The following ATXN2 variants were observed in gnomAD, a reference collection of about 807,000 sequenced individuals.
The protein encoded by ATXN2 is ataxin 2.
In ATXN2, 37 loss-of-function variants were observed where a neutral mutation model predicts 138.6. The ratio of observed to expected loss-of-function variants is 0.27; its 90% CI spans 0.21 to 0.35. ATXN2 has a LOEUF of 0.35. Ranked by LOEUF, ATXN2 falls within the 10% of genes least tolerant of loss-of-function variation. ATXN2 has a pLI of 1.00. For synonymous variants in ATXN2, 549 were observed against 543.7 expected, an observed-to-expected ratio of 1.01 and a Z score of -0.13; for missense variants, 1,216 against 1,480.3, an observed-to-expected ratio of 0.82 and a Z score of 2.93.
At chr12:111,476,092 C>T (rs534425570) in intron 18 of ATXN2, among the ~76,000 whole-genome samples, 1 of 152,186 alleles carries the variant, frequency 6.6e-6, no homozygotes, top group Non-Finnish European at 1.5e-5. Flanking sequence ...GTTAGGACTA[C>T]AGGTGTGTGC....
chr12:111,598,478 G>C lies in ATXN2; in HGVS notation c.251+306C>G. 1.0e-6 allele frequency: 1 copy of C among 985,230 alleles called. No individual in the cohort carries two copies. The highest frequency in any genetic ancestry group is 1.2e-6 in the Non-Finnish European group (1 of 829,912). The allele number at this position is 985,230 out of a possible 1,614,324, so 61.0% of individuals were successfully genotyped here. ...GAAGGGGGAGCCGGGGCTGACCATC[G>C]CCGCTACCCGAGAACCCCTCCCAAC... On this transcript the variant is annotated intron_variant, in intron 1 of 24. Coordinates refer to ENST00000673436, the MANE Select transcript of ATXN2 (RefSeq NM_001372574.1). This position sits in a 1 kb window ranked among gnomAD's most constrained non-coding sequence, Gnocchi z 4.5.
chr12:111,566,167 T>G (rs763727389), intron 1 of ATXN2, among the ~76,000 whole-genome samples: 48 of 152,068 alleles, frequency 3.2e-4, no homozygotes, highest in Non-Finnish European at 5.0e-4. Flanking sequence ...GCGCGGTGGC[T>G]CACGCCTGTA....
upstream of ATXN2, chr12:111,599,333 C>A (rs1386598096): frequency 3.7e-5 from 21 of 575,012 alleles, no homozygotes; most frequent in African/African-American, 4.4e-4. Context: ...GGGAGGGGGG[C>A]CGGGGCCGGG....
intron 15 of ATXN2, among the ~76,000 whole-genome samples, chr12:111,488,084 A>G (rs1877759932): frequency 6.6e-6 from 1 of 152,184 alleles, no homozygotes; most frequent in Non-Finnish European, 1.5e-5. Flanking sequence ...TCCAAGTAGA[A>G]GCACCGCATG....
intron 18 of ATXN2, among the ~76,000 whole-genome samples, chr12:111,484,747 T>G (rs904195397): frequency 2.0e-5 from 3 of 152,124 alleles, no homozygotes; most frequent in African/African-American, 7.2e-5. Context: ...GTATTTATGT[T>G]TGAGACGGGG....
chr12:111,505,114 C>T (rs1441466633), intron 14 of ATXN2, among the ~76,000 whole-genome samples: 1 of 152,092 alleles, frequency 6.6e-6, no homozygotes, highest in Admixed American at 6.6e-5. Flanking sequence ...ACCTGTAGTA[C>T]CAGCTACTCA....
In ATXN2 at chr12:111,452,548, T is replaced by A; in HGVS notation, c.*264A>T. The A allele has an allele frequency of 2.5e-6, 1 of 407,262 alleles. No individual in the cohort carries two copies. Among genetic ancestry groups the A allele is most frequent in the Non-Finnish European group, 4.4e-6 (1 of 227,834 alleles). The allele number at this position is 407,262 out of a possible 1,614,324, so 25.2% of individuals were successfully genotyped here. A position where few individuals can be genotyped will look rare whatever the true frequency, so the allele number is the denominator to read the frequency against. On this transcript the variant is annotated 3_prime_UTR_variant, in exon 25 of 25. Coordinates refer to ENST00000673436, the MANE Select transcript of ATXN2 (RefSeq NM_001372574.1). ...ATTAAAAAATAAATAACTTCCAGTT[T>A]CGGCAAGCAGAGCTGGGGTACCTGC...
chr12:111,453,834 C>T lies in ATXN2; in HGVS notation c.3282G>A (p.Gln1094=). Residue 1094 remains glutamine, a synonymous_variant, in exon 24 of 25, where the codon CAG becomes CAA. Coordinates refer to ENST00000673436, the MANE Select transcript of ATXN2 (RefSeq NM_001372574.1). This position sits in a 1 kb window ranked among gnomAD's most constrained non-coding sequence, Gnocchi z 5.4. The stretch of plus-strand genomic sequence containing the variant: ...TTGGATGAGAAGGAACCATTCCTGA[C>T]TGTACATGAGCCTGAAACAGAGAGC... ...HMAHVPQAHV[Q]SGMVPSHPTA... is the part of the protein sequence containing the mutation. 6.2e-7 allele frequency: 1 copy of T among 1,612,284 alleles called. No homozygotes were observed. Among genetic ancestry groups the T allele is most frequent in the East Asian group, 2.2e-5 (1 of 44,816 alleles).
intron 20 of ATXN2, chr12:111,469,436 T>A (rs993795837): frequency 7.1e-6 from 1 of 140,484 alleles, no homozygotes; most frequent in African/African-American, 2.6e-5. Context: ...GCTGCTAAGT[T>A]GATCTACACA....
At chr12:111,479,855 TAAA>T (rs11345860) in intron 18 of ATXN2, among the ~76,000 whole-genome samples, 1 of 140,546 alleles carries the variant, frequency 7.1e-6, no homozygotes. Context: ...TTCCATTTAT[TAAA>T]AAAAAAAAAA....
rs201941274 is a variant in ATXN2, at chr12:111,517,179, TC to T, written c.1166-817del. ...TACAGCTAGTATTTAACATTACATATCACTTACCTTAATCTTATCAAACAGT... is the reference window on the plus strand; with the variant it reads ...TACAGCTAGTATTTAACATTACATATACTTACCTTAATCTTATCAAACAGT... On this transcript the variant is annotated intron_variant, in intron 9 of 24. Coordinates refer to ENST00000673436, the MANE Select transcript of ATXN2 (RefSeq NM_001372574.1). 7.7e-3 allele frequency among the ~76,000 whole-genome samples: 1,166 copies of T among 152,236 alleles called. 4 individuals are homozygous for T. Among genetic ancestry groups the T allele is most frequent in the Non-Finnish European group, 9.9e-3 (671 of 67,982 alleles).
intron 6 of ATXN2, among the ~76,000 whole-genome samples, chr12:111,521,692 T>C (rs1196670490): frequency 1.3e-5 from 2 of 152,170 alleles, no homozygotes; most frequent in Admixed American, 6.5e-5. Context: ...AACCTCAGCA[T>C]AGGTAACTCC....
chr12:111,471,405 C>T (rs1045088488), intron 18 of ATXN2: 7 of 152,406 alleles, frequency 4.6e-5, no homozygotes, highest in Admixed American at 1.3e-4. Context: ...GGTTTTTTTC[C>T]AGTTCCTCCA....
At chr12:111,452,999 G>A (rs1874780526) in intron 24 of ATXN2, 159 bp from the exon 25 acceptor site, 1 of 1,168,132 alleles carries the variant, frequency 8.6e-7, no homozygotes, top group Non-Finnish European at 1.1e-6. Flanking sequence ...AAAGTGGGGA[G>A]GGTTGGGTGG....
intron 3 of ATXN2, 37 bp from the exon 4 acceptor site, chr12:111,553,014 T>A: frequency 7.4e-7 from 1 of 1,343,512 alleles, no homozygotes; most frequent in Non-Finnish European, 1.0e-6. Flanking sequence ...AGAAACAGTA[T>A]ACTACCCGGT....
At chr12:111,494,827 AGG>A in intron 14 of ATXN2, among the ~76,000 whole-genome samples, 1 of 152,258 alleles carries the variant, frequency 6.6e-6, no homozygotes, top group African/African-American at 2.4e-5. Context: ...AAAACAAGGA[AGG>A]GAGGGAGGGA....
At chr12:111,572,136 A>C (rs1883354648) in intron 1 of ATXN2, among the ~76,000 whole-genome samples, 1 of 152,128 alleles carries the variant, frequency 6.6e-6, no homozygotes, top group Non-Finnish European at 1.5e-5. Context: ...ACGGTGGTTC[A>C]CACTGGTAAT....
At chr12:111,551,767 CTA>C (rs546541593) in intron 5 of ATXN2, among the ~76,000 whole-genome samples, 24 of 152,294 alleles carry the variant, frequency 1.6e-4, no homozygotes, top group Non-Finnish European at 2.1e-4. Flanking sequence ...CACAAAAACT[CTA>C]TTTAATTTTT....
chr12:111,575,376 G>A (rs987229501), intron 1 of ATXN2, among the ~76,000 whole-genome samples: 12 of 152,008 alleles, frequency 7.9e-5, no homozygotes, highest in African/African-American at 2.4e-4. Context: ...TTGTAGAGAT[G>A]GGGTCTTGTT....
Sources: allele counts gnomAD v4.1 joint callset (sites outside exome capture counted in the v4.1 genomes callset), GRCh38; gene constraint gnomAD v4.1.1; non-coding constraint Gnocchi (gnomAD v3.1); transcripts MANE v1.5; gene names NCBI Gene and HGNC (gene_info 2026-07-23, HGNC 2026-07-21).